Variants in GABRB1 observed in about 807,000 individuals in gnomAD.
GABRB1 encodes the protein gamma-aminobutyric acid receptor subunit beta-1.
GABRB1 carries 17 observed loss-of-function variants against 51.6 expected under a neutral mutation model. The observed-to-expected ratio is 0.33, with a 90% CI of 0.23 to 0.49. The LOEUF (loss-of-function observed/expected upper bound fraction) is 0.49. GABRB1 is among the 20% of genes least tolerant of loss of function. The pLI, the probability that GABRB1 is intolerant of heterozygous loss-of-function variation, is 0.99. For missense variants in GABRB1, 410 were observed against 600.6 expected, an observed-to-expected ratio of 0.68 and a Z score of 3.32; for synonymous variants, 247 against 218.9, an observed-to-expected ratio of 1.13 and a Z score of -1.14.
rs150180197 is a variant in GABRB1 at position 47,412,295 on chromosome 4, G to T, written c.1080+5369G>T. On this transcript the variant is annotated intron_variant, in intron 8 of 8. Coordinates refer to ENST00000295454, the MANE Select transcript of GABRB1 (RefSeq NM_000812.4). ...ACAAATAAGTACTTGTTGAATGAAT[G>T]AATTAATTAATTAATACTGGAGAGT... Among the ~76,000 whole-genome samples, 291 of 152,188 alleles carry T rather than the reference G, an allele frequency of 1.9e-3. 2 individuals are homozygous for T. The highest frequency in any genetic ancestry group is 2.3e-3 in the Non-Finnish European group (156 of 68,004).
intron 5 of GABRB1, among the ~76,000 whole-genome samples, chr4:47,341,959 G>A (rs958616605): frequency 6.6e-6 from 1 of 152,102 alleles, no homozygotes; most frequent in Non-Finnish European, 1.5e-5. Context: ...GGACACTGAA[G>A]ATTATTTAGG....
rs35310319 is a variant in GABRB1 at position 47,366,630 on chromosome 4, T to TAA, written c.545-36678_545-36677dup. ...AGGAGCATAGCATAAGATGGGAAAATAAAAAAAAAAATCTCAACATTATCC... is the reference window on the plus strand; with the variant it reads ...AGGAGCATAGCATAAGATGGGAAAATAAAAAAAAAAAAATCTCAACATTATCC... On this transcript the variant is annotated intron_variant, in intron 5 of 8. Transcript: ENST00000295454. Among the ~76,000 whole-genome samples, 240 of 149,318 alleles carry TAA rather than the reference T, an allele frequency of 1.6e-3. 3 individuals are homozygous for TAA. Among genetic ancestry groups the TAA allele is most frequent in the South Asian group, 0.011 (52 of 4,720 alleles).
At chr4:47,395,281 C>A (rs1362806802) in intron 5 of GABRB1, among the ~76,000 whole-genome samples, 1 of 152,178 alleles carries the variant, frequency 6.6e-6, no homozygotes, top group Non-Finnish European at 1.5e-5. Flanking sequence ...AACTTACAAT[C>A]ATGGCAGAAG....
chr4:47,252,280 C>T (rs929384951), intron 4 of GABRB1, among the ~76,000 whole-genome samples: 2 of 152,026 alleles, frequency 1.3e-5, no homozygotes, highest in African/African-American at 4.8e-5. Context: ...CACAAACAGA[C>T]TTTCAGTTTC....
intron 3 of GABRB1, among the ~76,000 whole-genome samples, chr4:47,079,007 G>A (rs565374767): frequency 9.9e-5 from 15 of 152,204 alleles, no homozygotes; most frequent in African/African-American, 3.6e-4. Flanking sequence ...TGCTGGATTC[G>A]GTTTGCCAGT....
chr4:47,059,619 A>T (rs887567696), intron 3 of GABRB1, among the ~76,000 whole-genome samples: 1 of 152,236 alleles, frequency 6.6e-6, no homozygotes, highest in African/African-American at 2.4e-5. Context: ...GCAACATTAA[A>T]GCCTAAAGAA....
intron 3 of GABRB1, among the ~76,000 whole-genome samples, chr4:47,112,281 T>G (rs566667291): frequency 1.3e-5 from 2 of 152,220 alleles, no homozygotes; most frequent in African/African-American, 4.8e-5. Context: ...GTGAGAAATA[T>G]TTACACAGTA....
At chr4:47,329,943 TGA>T (rs1725414606) in intron 5 of GABRB1, among the ~76,000 whole-genome samples, 1 of 151,904 alleles carries the variant, frequency 6.6e-6, no homozygotes, top group African/African-American at 2.4e-5. Flanking sequence ...ATCTACAGAG[TGA>T]GTCAGCCAAC....
intron 3 of GABRB1, among the ~76,000 whole-genome samples, chr4:47,064,832 G>A (rs1727006986): frequency 6.6e-6 from 1 of 152,030 alleles, no homozygotes; most frequent in Admixed American, 6.6e-5. Context: ...TGTGTAGAGG[G>A]TGTTCAATAA....
chr4:47,152,548 C>T (rs558361120), intron 3 of GABRB1, among the ~76,000 whole-genome samples: 2 of 152,012 alleles, frequency 1.3e-5, no homozygotes, highest in Non-Finnish European at 2.9e-5. Flanking sequence ...GTGAGCTAAT[C>T]CATTCCCACA....
At chr4:47,176,503 G>A (rs1378530470) in intron 4 of GABRB1, among the ~76,000 whole-genome samples, 1 of 152,072 alleles carries the variant, frequency 6.6e-6, no homozygotes, top group Non-Finnish European at 1.5e-5. Flanking sequence ...ATAAACTAAA[G>A]ATCTCTGTTT....
intron 3 of GABRB1, among the ~76,000 whole-genome samples, chr4:47,146,481 T>C (rs1717176192): frequency 6.6e-6 from 1 of 152,056 alleles, no homozygotes; most frequent in Admixed American, 6.6e-5. Flanking sequence ...ACAGATTTTC[T>C]AGGCTTAATG....
chr4:47,022,054 T>C (rs1380037325), intron 1 of GABRB1, among the ~76,000 whole-genome samples: 3 of 152,140 alleles, frequency 2.0e-5, no homozygotes, highest in Non-Finnish European at 4.4e-5. Flanking sequence ...TCATAATTAG[T>C]TTCTGTATCC....
chr4:47,146,269 T>C (rs1195805556), intron 3 of GABRB1, among the ~76,000 whole-genome samples: 3 of 151,950 alleles, frequency 2.0e-5, no homozygotes, highest in Non-Finnish European at 4.4e-5. Flanking sequence ...GTAAAGATAA[T>C]AAATGCCTCT....
At chr4:47,229,158 G>A (rs1721052478) in intron 4 of GABRB1, among the ~76,000 whole-genome samples, 1 of 152,094 alleles carries the variant, frequency 6.6e-6, no homozygotes, top group Non-Finnish European at 1.5e-5. Context: ...TGGCTTTTTG[G>A]AGACTTAAGT....
chr4:47,112,476 C>A (rs774662551), intron 3 of GABRB1, among the ~76,000 whole-genome samples: 53 of 152,180 alleles, frequency 3.5e-4, no homozygotes, highest in Non-Finnish European at 1.2e-4. Flanking sequence ...TAAGGCAGTT[C>A]TTGGTTTGAT....
chr4:47,237,469 C>A (rs1578023225), intron 4 of GABRB1, among the ~76,000 whole-genome samples: 1 of 151,884 alleles, frequency 6.6e-6, no homozygotes, highest in African/African-American at 2.4e-5. Context: ...TGGATAAGGT[C>A]TTTGAAAACA....
chr4:47,253,304 T>C (rs1722064711), intron 4 of GABRB1, among the ~76,000 whole-genome samples: 1 of 152,254 alleles, frequency 6.6e-6, no homozygotes, highest in South Asian at 2.1e-4. Flanking sequence ...ATCCCATTTG[T>C]GTGAGTCCGT....
At chr4:47,417,143 T>C (rs780289150) in intron 8 of GABRB1, among the ~76,000 whole-genome samples, 4 of 152,134 alleles carry the variant, frequency 2.6e-5, no homozygotes, top group Non-Finnish European at 5.9e-5. Context: ...GAGGCCCACC[T>C]ACATTATCGA....
Sources: gnomAD v4.1 joint callset for allele counts (sites outside exome capture counted in the v4.1 genomes callset) on GRCh38, gnomAD v4.1.1 for gene constraint, MANE v1.5 for transcripts, NCBI Gene and HGNC (gene_info 2026-07-23, HGNC 2026-07-21) for gene names.